DIPK2A: variants seen among roughly 807,000 people sequenced by gnomAD.
DIPK2A encodes the protein Golgi Protein of 49 kDa.
Under a neutral mutation model 39.0 loss-of-function variants are expected in DIPK2A, and 27 were observed. The ratio of observed to expected loss-of-function variants is 0.69; its 90% CI spans 0.51 to 0.96. The LOEUF (loss-of-function observed/expected upper bound fraction) is 0.96, where lower values mean the gene tolerates loss of function less well. Ranked by LOEUF, DIPK2A falls within the 40% of genes least tolerant of loss-of-function variation. DIPK2A has a pLI of 0.00. For synonymous variants in DIPK2A, 298 were observed against 240.8 expected (o/e 1.24, Z -2.20); for missense variants, 528 against 571.3 (o/e 0.92, Z 0.77).
At chr3:143,973,468 T>C (rs778304825) in intron 1 of DIPK2A, 5 of 1,551,514 alleles carry the variant, frequency 3.2e-6, no homozygotes, top group Middle Eastern at 3.3e-4. Context: ...GGTCTCAGAG[T>C]CTTTGTTTTC....
chr3:143,984,994 C>T (rs905088766), intron 1 of DIPK2A, among the ~76,000 whole-genome samples: 5 of 152,148 alleles, frequency 3.3e-5, no homozygotes, highest in African/African-American at 1.2e-4. Context: ...GGACCTGCAC[C>T]ACTGCTTAGT....
intron 1 of DIPK2A, among the ~76,000 whole-genome samples, chr3:143,975,821 A>C (rs1416285948): frequency 6.6e-6 from 1 of 152,110 alleles, no homozygotes; most frequent in African/African-American, 2.4e-5. Flanking sequence ...TATATTGTCC[A>C]AAAATTAACA....
intron 2 of DIPK2A, among the ~76,000 whole-genome samples, chr3:143,987,185 A>G (rs2087915721): frequency 6.6e-6 from 1 of 152,160 alleles, no homozygotes; most frequent in African/African-American, 2.4e-5. Context: ...GTAGCAGCGT[A>G]TACTATTCTT....
chr3:143,972,872 G>T lies in DIPK2A; in HGVS notation c.540G>T (p.Val180=). ...CPSQRLLDRL[V]RRYAETKDSG... is the part of the protein sequence containing the mutation. Reference sequence around the variant, plus strand: ...CGCAGCGCCTTCTCGACCGCCTGGTGCGCCGCTACGCGGAGACCAAGGACT... The same window carrying T: ...CGCAGCGCCTTCTCGACCGCCTGGTTCGCCGCTACGCGGAGACCAAGGACT... The change falls in exon 1 of 3, where the codon GTG becomes GTT. Residue 180 remains valine, a synonymous_variant. Transcript: ENST00000315691. 1 of 1,575,286 alleles carries T rather than the reference G, an allele frequency of 6.3e-7. No homozygotes were observed.
Position 143,972,257 on chromosome 3 carries a change from G to C in DIPK2A, c.-76G>C. On this transcript the variant is annotated 5_prime_UTR_variant, in exon 1 of 3. Coordinates refer to ENST00000315691, the MANE Select transcript of DIPK2A (RefSeq NM_173552.5). Reference sequence around the variant, plus strand: ...CTTCTCTCGCCCGGGGTTCCTGCCGGTAGCTCTCCGGGTCTTGGCGCGGCG... The same window carrying C: ...CTTCTCTCGCCCGGGGTTCCTGCCGCTAGCTCTCCGGGTCTTGGCGCGGCG... 7.8e-7 allele frequency: 1 copy of C among 1,289,556 alleles called. No individual in the cohort carries two copies. The highest frequency in any genetic ancestry group is 9.9e-7 in the Non-Finnish European group (1 of 1,006,700). 79.9% of individuals were successfully genotyped at this position (1,289,556 alleles called of 1,614,324 possible). A position where few individuals can be genotyped will look rare whatever the true frequency, so the allele number is the denominator to read the frequency against.
rs1240154556 is a variant in DIPK2A at position 143,972,865 on chromosome 3, G to T, written c.533G>T (p.Arg178Leu). The T allele has an allele frequency of 1.3e-6, 2 of 1,572,952 alleles. No individual in the cohort carries two copies. The highest frequency in any genetic ancestry group is 1.7e-6 in the Non-Finnish European group (2 of 1,161,814). Residue 178 changes from arginine to leucine, a missense_variant, in exon 1 of 3, where the codon CGC becomes CTC. Physicochemically the swap from Arg to Leu is moderately radical, Grantham distance 102. This residue lies in a region of DIPK2A where 309 missense variants were observed against 289.8 expected (regional missense o/e 1.07). Coordinates refer to ENST00000315691, the MANE Select transcript of DIPK2A (RefSeq NM_173552.5). ...VHCPSQRLLD[R>L]LVRRYAETKD... is the part of the protein sequence containing the mutation. ...TGCCCCTCGCAGCGCCTTCTCGACC[G>T]CCTGGTGCGCCGCTACGCGGAGACC...
chr3:143,989,535 G>T lies in DIPK2A; in HGVS notation c.987G>T (p.Trp329Cys). The T allele has an allele frequency of 6.2e-7, 1 of 1,613,350 alleles. No individual in the cohort carries two copies. Among genetic ancestry groups the T allele is most frequent in the South Asian group, 1.1e-5 (1 of 91,046 alleles). ...RQNKPENWDVWYESKFDDCDK... is the reference protein window; with the variant it reads ...RQNKPENWDVCYESKFDDCDK... Reference sequence around the variant, plus strand: ...ATAAACCTGAAAATTGGGATGTATGGTATGAAAGCAAGTTTGATGACTGTG... The same window carrying T: ...ATAAACCTGAAAATTGGGATGTATGTTATGAAAGCAAGTTTGATGACTGTG... The change falls in exon 3 of 3, where the codon TGG (tryptophan) becomes TGT (cysteine). Residue 329 changes from tryptophan to cysteine, a missense_variant. By Grantham distance (215) the Trp-to-Cys change is radical (BLOSUM62 -2). Around this residue, in one of 2 missense-constraint regions of DIPK2A, gnomAD observed 219 missense variants for 281.5 expected, o/e 0.78. Transcript: ENST00000315691.
intron 2 of DIPK2A, among the ~76,000 whole-genome samples, chr3:143,986,800 A>G (rs940949724): frequency 2.0e-5 from 3 of 152,032 alleles, no homozygotes; most frequent in East Asian, 1.9e-4. Flanking sequence ...CAAAGCCTGT[A>G]GGTCTAGAAC....
In DIPK2A at chr3:143,990,927, TG is replaced by T. The variant is rs1263394004; in HGVS notation, c.*1089del. 1.3e-5 allele frequency: 2 copies of T among 152,594 alleles called. No homozygotes were observed. The highest frequency in any genetic ancestry group is 1.5e-5 in the Non-Finnish European group (1 of 67,998). 9.5% of individuals were successfully genotyped at this position (152,594 alleles called of 1,614,324 possible). A position where few individuals can be genotyped will look rare whatever the true frequency, so the allele number is the denominator to read the frequency against. On this transcript the variant is annotated 3_prime_UTR_variant, in exon 3 of 3. Transcript: ENST00000315691. ...TTAAAGTTATCCTACCTTTTATTCATGGGTAGTTTTGCAAAATTAACATGGT... is the reference window on the plus strand; with the variant it reads ...TTAAAGTTATCCTACCTTTTATTCATGGTAGTTTTGCAAAATTAACATGGT...
At chr3:143,982,241 G>A (rs2087836897) in intron 1 of DIPK2A, among the ~76,000 whole-genome samples, 1 of 152,050 alleles carries the variant, frequency 6.6e-6, no homozygotes, top group Non-Finnish European at 1.5e-5. Flanking sequence ...CTAATTTAGT[G>A]GTTCTTCACT....
chr3:143,978,682 CTATATATATATATATATATACT>C (rs1441532644), intron 1 of DIPK2A, among the ~76,000 whole-genome samples: 1 of 56,182 alleles, frequency 1.8e-5, no homozygotes, highest in Non-Finnish European at 3.7e-5. Flanking sequence ...ATATATATAT[CTATATATATATATATATATACT>C]GTCACATGAC....
intron 1 of DIPK2A, among the ~76,000 whole-genome samples, chr3:143,982,323 A>G (rs764618345): frequency 2.0e-5 from 3 of 152,190 alleles, no homozygotes; most frequent in South Asian, 2.1e-4. Context: ...GAAGATAAGC[A>G]TATCTTTTGA....
At chr3:143,974,118 G>A (rs2087697030) in intron 1 of DIPK2A, among the ~76,000 whole-genome samples, 1 of 119,222 alleles carries the variant, frequency 8.4e-6, no homozygotes, top group Admixed American at 7.8e-5. Flanking sequence ...TGGAGGTACA[G>A]GGTTTTTTTT....
chr3:143,975,971 A>T (rs1440070525), intron 1 of DIPK2A, among the ~76,000 whole-genome samples: 1 of 152,112 alleles, frequency 6.6e-6, no homozygotes, highest in Non-Finnish European at 1.5e-5. Flanking sequence ...ATACTTACGA[A>T]TTTAATCCAT....
At position 143,989,803 on chromosome 3, in the gene DIPK2A, C is replaced by A. The variant is rs1165380564; in HGVS notation, c.1255C>A (p.Arg419Ser). 1 of 1,613,876 alleles carries A rather than the reference C, an allele frequency of 6.2e-7. No individual in the cohort carries two copies. Among genetic ancestry groups the A allele is most frequent in the Non-Finnish European group, 8.5e-7 (1 of 1,180,000 alleles). ...CAGATTCCAGGCTGCAAAAGAACTG[C>A]GTGAATACCTAGCACAATTAAGTAA... ...YGRFQAAKEL[R>S]EYLAQLSNNV... Residue 419 changes from arginine (R) to serine (S), a missense_variant, in exon 3 of 3, where the codon CGT becomes AGT. Arg to Ser is a moderately radical substitution (Grantham distance 110). Coordinates refer to ENST00000315691, the MANE Select transcript of DIPK2A (RefSeq NM_173552.5).
chr3:143,976,362 TG>T (rs1028121035), intron 1 of DIPK2A, among the ~76,000 whole-genome samples: 12 of 150,710 alleles, frequency 8.0e-5, no homozygotes, highest in African/African-American at 2.9e-4. Context: ...TGTAATCCTA[TG>T]AAAAAAAAAA....
chr3:143,978,634 A>C (rs1361610597), intron 1 of DIPK2A: 397 of 36,604 alleles, frequency 0.011, 2 homozygotes, highest in African/African-American at 0.044. Context: ...ATATATATAT[A>C]TATATCTATA....
Position 143,990,770 on chromosome 3 carries a change from G to C in DIPK2A, c.*929G>C, listed in dbSNP as rs2087973356. On this transcript the variant is annotated 3_prime_UTR_variant, in exon 3 of 3. Transcript: ENST00000315691. ...AATATTACACCTAATCTCATGTTTA[G>C]AATTTAAAATAGAATTGGTCAGCTA... 1 of 152,482 alleles carries C rather than the reference G, an allele frequency of 6.6e-6. No homozygotes were observed. Among genetic ancestry groups the C allele is most frequent in the Non-Finnish European group, 1.5e-5 (1 of 67,970 alleles). 9.4% of individuals were successfully genotyped at this position (152,482 alleles called of 1,614,324 possible).
At chr3:143,987,809 T>C (rs1338435557) in intron 2 of DIPK2A, among the ~76,000 whole-genome samples, 1 of 152,188 alleles carries the variant, frequency 6.6e-6, no homozygotes, top group Non-Finnish European at 1.5e-5. Context: ...CCTCAGCCTC[T>C]ATTCATTCCT....
Sources: allele counts gnomAD v4.1 joint callset (sites outside exome capture counted in the v4.1 genomes callset), GRCh38; gene constraint gnomAD v4.1.1; regional missense constraint gnomAD v4.1.1; transcripts MANE v1.5; gene names NCBI Gene and HGNC (gene_info 2026-07-23, HGNC 2026-07-21).